Variants in AFF3 observed in about 807,000 individuals in gnomAD.
AFF3 encodes the protein ALF transcription elongation factor 3.
A neutral mutation model predicts 129.7 loss-of-function variants in AFF3; 32 were observed. The observed-to-expected ratio is 0.25, with a 90% CI of 0.19 to 0.33. The LOEUF (loss-of-function observed/expected upper bound fraction) is 0.33, where lower values mean the gene tolerates loss of function less well. Ranked by LOEUF, AFF3 falls within the 10% of genes least tolerant of loss-of-function variation. AFF3 has a pLI of 1.00. For missense variants in AFF3, 1,373 were observed against 1,592.0 expected (o/e 0.86, Z 2.34); for synonymous variants, 644 against 635.4 (o/e 1.01, Z -0.20).
chr2:99,679,781 GACATTGTTTCC>G (rs1575676248), intron 11 of AFF3, among the ~76,000 whole-genome samples: 1 of 152,142 alleles, frequency 6.6e-6, no homozygotes, highest in African/African-American at 2.4e-5. Context: ...ACTTCCCCTA[GACATTGTTTCC>G]ACATCTCCAA....
chr2:99,949,265 T>A (rs549338246), intron 7 of AFF3, among the ~76,000 whole-genome samples: 12 of 152,366 alleles, frequency 7.9e-5, no homozygotes, highest in Non-Finnish European at 1.5e-4. Flanking sequence ...CTAGCATTCA[T>A]ATATCTAAAC....
intron 7 of AFF3, among the ~76,000 whole-genome samples, chr2:99,947,497 AAGAAAGAAAGAAAAAGAGAGAGAG>A (rs1472316131): frequency 9.5e-6 from 1 of 104,930 alleles, no homozygotes; most frequent in Non-Finnish European, 2.0e-5. Context: ...GAAAAAGAAA[AAGAAAGAAAGAAAAAGAGAGAGAG>A]AGAAAGAAAG....
intron 7 of AFF3, among the ~76,000 whole-genome samples, chr2:99,934,534 A>C (rs1385512751): frequency 1.3e-5 from 2 of 152,162 alleles, no homozygotes; most frequent in African/African-American, 2.4e-5. Context: ...ACCTCTCAAG[A>C]ACCACAGAAG....
At chr2:99,572,748 A>T (rs1198568108) in intron 18 of AFF3, 4 of 424,028 alleles carry the variant, frequency 9.4e-6, no homozygotes, top group Non-Finnish European at 1.4e-5. Flanking sequence ...AAATTAAGTA[A>T]TTATTTTTAA....
At chr2:100,115,390 A>G (rs1691698233) in intron 2 of AFF3, among the ~76,000 whole-genome samples, 1 of 152,098 alleles carries the variant, frequency 6.6e-6, no homozygotes, top group South Asian at 2.1e-4. Flanking sequence ...TCTACTAAAA[A>G]TAGAAAAAAT....
intron 8 of AFF3, among the ~76,000 whole-genome samples, chr2:99,813,158 C>T (rs1686924983): frequency 6.7e-6 from 1 of 149,304 alleles, no homozygotes; most frequent in Admixed American, 7.0e-5. Flanking sequence ...TCAGTAGGTA[C>T]ACATGACAGG....
At chr2:99,675,694 A>T (rs1037778549) in intron 11 of AFF3, among the ~76,000 whole-genome samples, 2 of 152,226 alleles carry the variant, frequency 1.3e-5, no homozygotes, top group African/African-American at 4.8e-5. Context: ...TTAGGAGAAG[A>T]GAAAACCCGT....
Position 99,919,772 on chromosome 2 carries a change from C to T in AFF3, c.874-82248G>A, listed in dbSNP as rs1220943780. Among the ~76,000 whole-genome samples, 4 of 151,574 alleles carry T rather than the reference C, an allele frequency of 2.6e-5. No individual in the cohort carries two copies. The East Asian group carries it at 5.8e-4, about 22-fold the overall frequency. ...AAAAATAAAAAAAAAATTAACAAAG[C>T]CAGAAGTCAGTTCTCTAAAAAGCCT... On this transcript the variant is annotated intron_variant, in intron 7 of 24. Transcript: ENST00000672756.
chr2:99,664,752 C>T (rs116802464), intron 12 of AFF3, among the ~76,000 whole-genome samples: 1,985 of 152,302 alleles, frequency 0.013, 48 homozygotes, highest in African/African-American at 0.045. Context: ...TGCATTTATC[C>T]ACGCATTCGT....
intron 7 of AFF3, among the ~76,000 whole-genome samples, chr2:99,860,778 G>T (rs549169373): frequency 1.8e-4 from 28 of 151,932 alleles, no homozygotes; most frequent in African/African-American, 6.8e-4. Context: ...TATAATTCAA[G>T]GTATACAATG....
rs554515502 is a variant in AFF3, at chr2:99,719,050, C to CTTT, written c.1091+8024_1091+8026dup. On this transcript the variant is annotated intron_variant, in intron 11 of 24. Transcript: ENST00000672756. Reference sequence around the variant, plus strand: ...ATAGGTGTGAGCCAACGCGCCCGGCCTTTTTTTTTTTTTTTTTTTTCCTGA... The same window carrying CTTT: ...ATAGGTGTGAGCCAACGCGCCCGGCCTTTTTTTTTTTTTTTTTTTTTTTCCTGA... Among the ~76,000 whole-genome samples, 52 of 108,146 alleles carry CTTT rather than the reference C, an allele frequency of 4.8e-4. 4 individuals carry two copies. Among genetic ancestry groups the CTTT allele is most frequent in the South Asian group, 9.5e-4 (3 of 3,160 alleles). 70.9% of individuals were successfully genotyped at this position (108,146 alleles called of 152,430 possible). A position where few individuals can be genotyped will look rare whatever the true frequency, so the allele number is the denominator to read the frequency against.
intron 7 of AFF3, among the ~76,000 whole-genome samples, chr2:99,862,973 A>G (rs1691106570): frequency 6.6e-6 from 1 of 152,380 alleles, no homozygotes; most frequent in East Asian, 1.9e-4. Context: ...ATTTTTTATT[A>G]AAATAAATAG....
At chr2:100,071,732 C>T (rs756916077) in intron 4 of AFF3, among the ~76,000 whole-genome samples, 1 of 152,086 alleles carries the variant, frequency 6.6e-6, no homozygotes, top group Non-Finnish European at 1.5e-5. Flanking sequence ...ACCGTAAATA[C>T]CAAATTACGA....
At chr2:99,680,029 G>A (rs1013571583) in intron 11 of AFF3, among the ~76,000 whole-genome samples, 1 of 152,198 alleles carries the variant, frequency 6.6e-6, no homozygotes, top group Non-Finnish European at 1.5e-5. Flanking sequence ...AACATCCCAT[G>A]ATGCTTTCCA....
At chr2:99,671,150 T>C (rs1457492156) in intron 12 of AFF3, among the ~76,000 whole-genome samples, 2 of 152,246 alleles carry the variant, frequency 1.3e-5, no homozygotes, top group Non-Finnish European at 2.9e-5. Flanking sequence ...ATGTTTGATA[T>C]GATTTAATCC....
chr2:99,647,199 G>A (rs995316629), intron 13 of AFF3, among the ~76,000 whole-genome samples: 5 of 152,178 alleles, frequency 3.3e-5, no homozygotes, highest in African/African-American at 4.8e-5. Flanking sequence ...ACACATGCAC[G>A]TGTACGTTCA....
At chr2:99,666,933 A>C (rs1352005820) in intron 12 of AFF3, among the ~76,000 whole-genome samples, 1 of 152,184 alleles carries the variant, frequency 6.6e-6, no homozygotes, top group East Asian at 1.9e-4. Flanking sequence ...AAGAAGAAAT[A>C]AACAAATCCA....
At chr2:99,840,136 G>A (rs985328328) in intron 7 of AFF3, among the ~76,000 whole-genome samples, 7 of 151,770 alleles carry the variant, frequency 4.6e-5, no homozygotes, top group African/African-American at 1.5e-4. Context: ...CACGCTCTTG[G>A]TAGTGTTCAT....
chr2:99,634,964 TACACACACACAC>T (rs201362666), intron 13 of AFF3, among the ~76,000 whole-genome samples: 1,625 of 137,760 alleles, frequency 0.012, 21 homozygotes, highest in African/African-American at 0.039. Flanking sequence ...GATTCTGTCA[TACACACACACAC>T]ACACACACAC....
Sources: gnomAD v4.1 joint callset for allele counts (sites outside exome capture counted in the v4.1 genomes callset) on GRCh38, gnomAD v4.1.1 for gene constraint, MANE v1.5 for transcripts, NCBI Gene and HGNC (gene_info 2026-07-23, HGNC 2026-07-21) for gene names.